Variants in DSCC1 observed in about 807,000 individuals in gnomAD.
The protein encoded by DSCC1 is DNA replication and sister chromatid cohesion 1, also known as sister chromatid cohesion protein DCC1.
A neutral mutation model predicts 48.2 loss-of-function variants in DSCC1; 32 were observed. The ratio of observed to expected loss-of-function variants is 0.66; its 90% CI spans 0.50 to 0.89. DSCC1 has a LOEUF of 0.89. DSCC1 is among the 40% of genes least tolerant of loss of function. DSCC1 has a pLI of 0.00. For synonymous variants in DSCC1, 150 were observed against 171.5 expected (o/e 0.87, Z 0.98); for missense variants, 421 against 471.7 (o/e 0.89, Z 1.00).
chr8:119,838,118 G>A (rs1826712810), intron 8 of DSCC1, 141 bp downstream of exon 8: 4 of 834,616 alleles, frequency 4.8e-6, no homozygotes, highest in Non-Finnish European at 6.9e-6. Context: ...AGAGAAGACA[G>A]CCACCACCTA....
rs1827005921 is a variant in DSCC1, at chr8:119,855,614, C to T, written c.182G>A (p.Ser61Asn). 6.5e-7 allele frequency: 1 copy of T among 1,543,980 alleles called. No individual in the cohort carries two copies. Among genetic ancestry groups the T allele is most frequent in the East Asian group, 2.5e-5 (1 of 40,642 alleles). ...GGGGCGCCGCGTGACCAGGGCTCAC[C>T]TGTGTCCATCCTCCAGCTGCTGGCA... ...TLCQQLEDGH[S>N]LVIRGDKDEQ... Residue 61 changes from serine to asparagine, a missense_variant and splice_region_variant, in exon 1 of 9, where the codon AGT (serine) becomes AAT (asparagine). By Grantham distance (46) the Ser-to-Asn change is conservative. Around this residue, in one of 3 missense-constraint regions of DSCC1, gnomAD observed 174 missense variants for 184.5 expected, o/e 0.94. Coordinates refer to ENST00000313655, the MANE Select transcript of DSCC1 (RefSeq NM_024094.3).
In DSCC1 at chr8:119,838,453, T is replaced by C. The variant is rs779337859; in HGVS notation, c.925-46A>G. 4.0e-6 allele frequency: 6 copies of C among 1,485,552 alleles called. No individual in the cohort carries two copies. The African/African-American group carries it at 5.7e-5, about 14-fold the overall frequency. The allele number at this position is 1,485,552 out of a possible 1,614,324, so 92.0% of individuals were successfully genotyped here. A position where few individuals can be genotyped will look rare whatever the true frequency, so the allele number is the denominator to read the frequency against. On this transcript the variant is annotated intron_variant, in intron 7 of 8. Coordinates refer to ENST00000313655, the MANE Select transcript of DSCC1 (RefSeq NM_024094.3). ...CAGAGCAGTTAAAGTAATGTTGTAATGTTTAAACATGACTCATTCTTTTAC... is the reference window on the plus strand; with the variant it reads ...CAGAGCAGTTAAAGTAATGTTGTAACGTTTAAACATGACTCATTCTTTTAC...
Position 119,841,690 on chromosome 8 carries a change from G to A in DSCC1, c.924+104C>T, listed in dbSNP as rs937152792. 2.3e-6 allele frequency: 3 copies of A among 1,320,756 alleles called. No homozygotes were observed. The African/African-American group carries it at 4.4e-5, about 19-fold the overall frequency. 81.8% of individuals were successfully genotyped at this position (1,320,756 alleles called of 1,614,324 possible). ...GGATGTACATGCACTCCTAATGGGT[G>A]TCTAAGAAAAGAAATTGGTTCCAAA... On this transcript the variant is annotated intron_variant, in intron 7 of 8. Transcript: ENST00000313655.
intron 7 of DSCC1, among the ~76,000 whole-genome samples, chr8:119,841,471 T>C (rs1485137236): frequency 6.6e-6 from 1 of 151,996 alleles, no homozygotes; most frequent in African/African-American, 2.4e-5. Context: ...CAAAATGAGA[T>C]ACACTGAGTA....
intron 4 of DSCC1, among the ~76,000 whole-genome samples, chr8:119,844,521 A>C (rs1472927042): frequency 6.7e-6 from 1 of 149,908 alleles, no homozygotes; most frequent in Non-Finnish European, 1.5e-5. Flanking sequence ...CTGTGTCTTC[A>C]GGGAGATCAA....
Position 119,850,430 on chromosome 8 carries a change from T to C in DSCC1, c.438A>G (p.Pro146=), listed in dbSNP as rs1826927832. ...CTTTTTGACTGTCAGGTCCTTCATA[T>C]GGATTTTCCATCAAAAGTTTCTTTA... ...KKLKKLLMEN[P]YEGPDSQKEK... Residue 146 remains proline (P), a synonymous_variant, in exon 3 of 9, where the codon CCA becomes CCG. Transcript: ENST00000313655. 3.1e-6 allele frequency: 5 copies of C among 1,602,730 alleles called. No individual in the cohort carries two copies. Among genetic ancestry groups the C allele is most frequent in the Middle Eastern group, 1.7e-4 (1 of 6,038 alleles).
At chr8:119,843,773 C>T in intron 4 of DSCC1, 26 bp from the exon 5 acceptor site, 1 of 1,593,472 alleles carries the variant, frequency 6.3e-7, no homozygotes, top group South Asian at 1.1e-5. Flanking sequence ...GTTATATTTA[C>T]CAAAGAACTT....
intron 3 of DSCC1, among the ~76,000 whole-genome samples, chr8:119,848,044 G>A (rs1055203791): frequency 1.1e-4 from 16 of 151,896 alleles, no homozygotes; most frequent in Non-Finnish European, 5.9e-5. Context: ...GTGTGATCAC[G>A]GCTCACTTAC....
At chr8:119,855,493 G>T in intron 1 of DSCC1, 121 bp downstream of exon 1, 1 of 1,347,146 alleles carries the variant, frequency 7.4e-7, no homozygotes, top group Non-Finnish European at 9.7e-7. Flanking sequence ...CAGGCAGCTT[G>T]CTATGAGCCC....
intron 4 of DSCC1, among the ~76,000 whole-genome samples, chr8:119,846,685 CCCTA>C (rs953362245): frequency 8.3e-5 from 11 of 132,622 alleles, no homozygotes; most frequent in Admixed American, 7.3e-4. Context: ...CAGCCTCCCT[CCCTA>C]GTAGGTGGAA....
chr8:119,850,450 TC>T lies in DSCC1; in HGVS notation c.417del (p.Lys140AsnfsTer3). On this transcript the variant is annotated frameshift_variant, in exon 3 of 9. Coordinates refer to ENST00000313655, the MANE Select transcript of DSCC1 (RefSeq NM_024094.3). LOFTEE classifies it high-confidence loss of function. The part of the protein sequence containing the change: ...RRRRPKLKKL[K>X]KLLMENPYEG... Reference sequence around the variant, plus strand: ...TCATATGGATTTTCCATCAAAAGTTTCTTTAGCTTCTTTAACTTGGGTCTAC... The same window carrying T: ...TCATATGGATTTTCCATCAAAAGTTTTTTAGCTTCTTTAACTTGGGTCTAC... The T allele has an allele frequency of 6.2e-7, 1 of 1,602,890 alleles. No homozygotes were observed. The highest frequency in any genetic ancestry group is 8.5e-7 in the Non-Finnish European group (1 of 1,176,222).
chr8:119,848,638 C>T (rs1826896453), intron 3 of DSCC1, among the ~76,000 whole-genome samples: 1 of 152,184 alleles, frequency 6.6e-6, no homozygotes. Context: ...AAAATGAAAA[C>T]ATAGATCCAC....
At chr8:119,835,843 G>A (rs969229242) in intron 8 of DSCC1, among the ~76,000 whole-genome samples, 5 of 152,124 alleles carry the variant, frequency 3.3e-5, no homozygotes, top group African/African-American at 4.8e-5. Context: ...GATTACGACC[G>A]GAACATAATA....
At chr8:119,852,974 TTAAC>T in intron 2 of DSCC1, 69 bp downstream of exon 2, 2 of 1,364,710 alleles carry the variant, frequency 1.5e-6, no homozygotes, top group African/African-American at 1.5e-5. Context: ...CGTAAACTTT[TTAAC>T]TAAAGATCAA....
At chr8:119,855,220 T>A (rs1411365157) in intron 1 of DSCC1, among the ~76,000 whole-genome samples, 9 of 152,172 alleles carry the variant, frequency 5.9e-5, no homozygotes, top group Non-Finnish European at 2.9e-5. Flanking sequence ...TTCCTATCTA[T>A]CATCTGAGTA....
chr8:119,852,845 G>A, intron 2 of DSCC1: 1 of 445,428 alleles, frequency 2.2e-6, no homozygotes, highest in South Asian at 8.5e-5. Context: ...AATCAAAACA[G>A]GAAAAAACAG....
intron 2 of DSCC1, chr8:119,852,823 T>C (rs1055828356): frequency 1.0e-5 from 4 of 396,474 alleles, no homozygotes; most frequent in Non-Finnish European, 1.7e-5. Context: ...AAAGATCAAA[T>C]TGGGACTTGA....
intron 3 of DSCC1, 60 bp downstream of exon 3, chr8:119,850,322 A>T: frequency 6.8e-7 from 1 of 1,471,172 alleles, no homozygotes; most frequent in Non-Finnish European, 9.0e-7. Flanking sequence ...GAATGTGACT[A>T]TTAAGTGCCT....
intron 4 of DSCC1, among the ~76,000 whole-genome samples, chr8:119,845,367 G>A (rs907347811): frequency 1.3e-5 from 2 of 152,078 alleles, no homozygotes; most frequent in East Asian, 1.9e-4. Context: ...CTACAGGCAT[G>A]AGCCACTATG....
Sources: allele counts gnomAD v4.1 joint callset (sites outside exome capture counted in the v4.1 genomes callset), GRCh38; gene constraint gnomAD v4.1.1; regional missense constraint gnomAD v4.1.1; transcripts MANE v1.5; gene names NCBI Gene and HGNC (gene_info 2026-07-23, HGNC 2026-07-21).